TM9SF1: variants seen among roughly 807,000 people sequenced by gnomAD.
TM9SF1 encodes transmembrane 9 superfamily member 1, also known as MP70 protein family member.
TM9SF1 carries 25 observed loss-of-function variants against 52.4 expected under a neutral mutation model. The ratio of observed to expected loss-of-function variants is 0.48; its 90% confidence interval spans 0.35 to 0.67. The LOEUF is 0.67. Ranked by LOEUF, TM9SF1 falls within the 30% of genes least tolerant of loss-of-function variation. The pLI is 0.01. For missense variants in TM9SF1, 604 were observed against 780.3 expected (o/e 0.77, Z 2.69); for synonymous variants, 284 against 299.8 (o/e 0.95, Z 0.55).
Position 24,193,381 on chromosome 14 carries a change from T to C in TM9SF1, c.346-112A>G, listed in dbSNP as rs117923508. On this transcript the variant is annotated intron_variant, in intron 2 of 5. Transcript: ENST00000261789. ...TATTTTGGGGTGGATAATTCTTTTTTTTCGAGATGGAGTCTTGCTCTGTCA... is the reference window on the plus strand; with the variant it reads ...TATTTTGGGGTGGATAATTCTTTTTCTTCGAGATGGAGTCTTGCTCTGTCA... The C allele has an allele frequency of 2.0e-3, 2,496 of 1,247,566 alleles. 65 individuals are homozygous for C. The East Asian group carries it at 0.055, about 28-fold the overall frequency. 77.3% of individuals were successfully genotyped at this position (1,247,566 alleles called of 1,614,324 possible).
rs1457004470 is a variant in TM9SF1, at chr14:24,192,324, T to A, written c.1000A>T (p.Asn334Tyr). The change falls in exon 4 of 6, where the codon AAT (asparagine) becomes TAT (tyrosine). Residue 334 changes from asparagine to tyrosine, a missense_variant. Asn to Tyr is a moderately radical substitution (Grantham distance 143, BLOSUM62 -2). This residue lies in a region of TM9SF1 where 450 missense variants were observed against 560.1 expected (regional missense o/e 0.80). Transcript: ENST00000261789. The surrounding 1 kb of genome is among the most constrained non-coding windows in gnomAD (Gnocchi z 4.0). ...TTAATGGCCCCATGACGGTGCACAT[T>A]GAACATGCCCAGCAGTGCCATGACA... ...IIVMALLGMFNVHRHGAINSA... is the reference protein window; with the variant it reads ...IIVMALLGMFYVHRHGAINSA... The A allele has an allele frequency of 4.3e-6, 7 of 1,614,030 alleles. No homozygotes were observed. The South Asian group carries it at 6.6e-5, about 15-fold the overall frequency.
intron 5 of TM9SF1, chr14:24,190,115 A>AAACC: frequency 7.3e-7 from 1 of 1,365,166 alleles, no homozygotes; most frequent in East Asian, 2.6e-5. Context: ...AATGGGCTTT[A>AAACC]AACCCCACAT....
chr14:24,189,927 T>G, intron 5 of TM9SF1, 119 bp from the exon 6 acceptor site: 1 of 1,435,950 alleles, frequency 7.0e-7, no homozygotes, highest in Non-Finnish European at 9.1e-7. Flanking sequence ...AAAAGTGAGT[T>G]CACTCCACTC....
chr14:24,194,327 C>T (rs2039367089), intron 2 of TM9SF1, among the ~76,000 whole-genome samples: 1 of 152,154 alleles, frequency 6.6e-6, no homozygotes, highest in African/African-American at 2.4e-5. Context: ...CTACAGGAAA[C>T]AGCTAAGAAA....
chr14:24,189,863 G>GTGGC, intron 5 of TM9SF1, 55 bp from the exon 6 acceptor site: 1 of 1,520,004 alleles, frequency 6.6e-7, no homozygotes, highest in Non-Finnish European at 8.8e-7. Flanking sequence ...CATCAGCACA[G>GTGGC]TGGCTGGGCT....
Position 24,190,457 on chromosome 14 carries a change from G to A in TM9SF1, c.1350C>T (p.Ile450=), listed in dbSNP as rs558412065. 5.0e-6 allele frequency: 8 copies of A among 1,614,014 alleles called. No individual in the cohort carries two copies. The Middle Eastern group carries it at 6.6e-4, about 133-fold the overall frequency. ...PFDAPCRTKN[I]AREIPPQPWY... ...AGGGCTGGGGTGGAATCTCCCGGGCGATGTTCTTGGTGCGACAGGGTGCAT... is the reference window on the plus strand; with the variant it reads ...AGGGCTGGGGTGGAATCTCCCGGGCAATGTTCTTGGTGCGACAGGGTGCAT... The change falls in exon 5 of 6, where the codon ATC becomes ATT. Residue 450 remains isoleucine, a synonymous_variant. Transcript: ENST00000261789.
Position 24,192,946 on chromosome 14 carries a change from G to A in TM9SF1, c.669C>T (p.Asp223=), listed in dbSNP as rs143076942. The A allele has an allele frequency of 3.7e-5, 59 of 1,613,972 alleles. No homozygotes were observed. Among genetic ancestry groups the A allele is most frequent in the Non-Finnish European group, 3.2e-5 (38 of 1,179,982 alleles). Reference sequence around the variant, plus strand: ...GTGTTCGAGGAAAGAAACCACCATCGTCACCACGGCGCCTGTCACTCCGAC... The same window carrying A: ...GTGTTCGAGGAAAGAAACCACCATCATCACCACGGCGCCTGTCACTCCGAC... The part of the protein sequence containing the change: ...VERRSDRRRG[D]DGGFFPRTLE... Residue 223 remains aspartate, a synonymous_variant, in exon 3 of 6, where the codon GAC becomes GAT. Coordinates refer to ENST00000261789, the MANE Select transcript of TM9SF1 (RefSeq NM_006405.7). The surrounding 1 kb of genome is among the most constrained non-coding windows in gnomAD (Gnocchi z 4.0).
At position 24,193,284 on chromosome 14, in the gene TM9SF1, T is replaced by A. The variant is rs751123843; in HGVS notation, c.346-15A>T. ...AGCTGCTCCACCTATAAAGAGCAAG[T>A]CAGGAGTTGGTCACACAAGATCTCC... On this transcript the variant is annotated splice_polypyrimidine_tract_variant and intron_variant, in intron 2 of 5. Transcript: ENST00000261789. 6.4e-7 allele frequency: 1 copy of A among 1,574,076 alleles called. No homozygotes were observed.
Position 24,193,101 on chromosome 14 carries a change from C to G in TM9SF1, c.514G>C (p.Asp172His). 1.9e-6 allele frequency: 3 copies of G among 1,614,198 alleles called. No homozygotes were observed. The highest frequency in any genetic ancestry group is 2.5e-6 in the Non-Finnish European group (3 of 1,180,038). ...HLDFHLEFHG[D>H]RIIFANVSVR... is the part of the protein sequence containing the mutation. The stretch of plus-strand genomic sequence containing the variant: ...GAAACATTGGCAAATATAATTCGGT[C>G]TCCATGGAATTCTAGGTGGAAGTCC... The change falls in exon 3 of 6, where the codon GAC becomes CAC. Residue 172 changes from aspartate (D) to histidine (H), a missense_variant. Physicochemically the swap from Asp to His is moderately conservative, Grantham distance 81. This residue lies in a region of TM9SF1 where 450 missense variants were observed against 560.1 expected (regional missense o/e 0.80). Coordinates refer to ENST00000261789, the MANE Select transcript of TM9SF1 (RefSeq NM_006405.7).
intron 2 of TM9SF1, among the ~76,000 whole-genome samples, chr14:24,194,071 C>G (rs1280496106): frequency 6.6e-6 from 1 of 152,152 alleles, no homozygotes; most frequent in African/African-American, 2.4e-5. Context: ...ACCCCCCCAG[C>G]TGTAACAACA....
At position 24,192,830 on chromosome 14, in the gene TM9SF1, C is replaced by T. The variant is rs1353796344; in HGVS notation, c.785G>A (p.Arg262Gln). The change falls in exon 3 of 6, where the codon CGG (arginine) becomes CAG (glutamine). Residue 262 changes from arginine (R) to glutamine (Q), a missense_variant. Around this residue, in one of 3 missense-constraint regions of TM9SF1, gnomAD observed 450 missense variants for 560.1 expected, o/e 0.80. Coordinates refer to ENST00000261789, the MANE Select transcript of TM9SF1 (RefSeq NM_006405.7). The surrounding 1 kb of genome is among the most constrained non-coding windows in gnomAD (Gnocchi z 4.0). ...TAAGTTGTACCGAGCCAGGTCATTCCGAAGCACACGCATTAGAATGACAGC... is the reference window on the plus strand; with the variant it reads ...TAAGTTGTACCGAGCCAGGTCATTCTGAAGCACACGCATTAGAATGACAGC... Reference protein sequence around the residue: ...FVAVILMRVLRNDLARYNLDE... With the variant: ...FVAVILMRVLQNDLARYNLDE... 3.7e-6 allele frequency: 6 copies of T among 1,613,408 alleles called. No individual in the cohort carries two copies. Among genetic ancestry groups the T allele is most frequent in the Non-Finnish European group, 4.2e-6 (5 of 1,179,584 alleles).
chr14:24,194,976 A>G lies in TM9SF1; in HGVS notation c.44T>C (p.Leu15Ser). ...GNPRSWSCQW[L>S]PILILLLGTG... ...GCCCAGCAACAGTATCAGGATTGGC[A>G]ACCACTGGCAGCTCCAACTTCGAGG... Residue 15 changes from leucine to serine, a missense_variant, in exon 2 of 6, where the codon TTG becomes TCG. Physicochemically the swap from Leu to Ser is moderately radical, Grantham distance 145 (BLOSUM62 -2). Around this residue, in one of 3 missense-constraint regions of TM9SF1, gnomAD observed 47 missense variants for 39.7 expected, o/e 1.18. Coordinates refer to ENST00000261789, the MANE Select transcript of TM9SF1 (RefSeq NM_006405.7). 1 of 1,614,130 alleles carries G rather than the reference A, an allele frequency of 6.2e-7. No homozygotes were observed. Among genetic ancestry groups the G allele is most frequent in the Non-Finnish European group, 8.5e-7 (1 of 1,180,012 alleles).
rs1199417434 is a variant in TM9SF1, at chr14:24,192,430, C to T, written c.968-74G>A. Reference sequence around the variant, plus strand: ...TCTAGCAATTTCAGAGGAATCAGCCCCCCTTCTCCCAGACCCAGGGCCTCC... The same window carrying T: ...TCTAGCAATTTCAGAGGAATCAGCCTCCCTTCTCCCAGACCCAGGGCCTCC... On this transcript the variant is annotated intron_variant, in intron 3 of 5. Transcript: ENST00000261789. This position sits in a 1 kb window ranked among gnomAD's most constrained non-coding sequence, Gnocchi z 4.0. 18 of 1,522,236 alleles carry T rather than the reference C, an allele frequency of 1.2e-5. No homozygotes were observed. The highest frequency in any genetic ancestry group is 1.6e-5 in the Non-Finnish European group (18 of 1,118,944). The allele number at this position is 1,522,236 out of a possible 1,614,324, so 94.3% of individuals were successfully genotyped here.
At chr14:24,194,559 A>G in intron 2 of TM9SF1, 116 bp downstream of exon 2, 1 of 989,452 alleles carries the variant, frequency 1.0e-6, no homozygotes, top group Non-Finnish European at 1.5e-6. Flanking sequence ...ACTGGGTTGT[A>G]TTGTAGTTAG....
At position 24,190,660 on chromosome 14, in the gene TM9SF1, G is replaced by A. The variant is rs772977216; in HGVS notation, c.1154-7C>T. 3 of 1,604,098 alleles carry A rather than the reference G, an allele frequency of 1.9e-6. No individual in the cohort carries two copies. In the South Asian group the frequency reaches 3.3e-5, roughly 18 times the overall value. ...CACGTCAGGAAGAAAGGCACTGCAGGGATGGGCCCCCGGAGGGAGGGTCAA... is the reference window on the plus strand; with the variant it reads ...CACGTCAGGAAGAAAGGCACTGCAGAGATGGGCCCCCGGAGGGAGGGTCAA... On this transcript the variant is annotated splice_region_variant and splice_polypyrimidine_tract_variant and intron_variant, in intron 4 of 5. Transcript: ENST00000261789.
chr14:24,189,323 C>G lies in TM9SF1; in HGVS notation c.*92G>C, dbSNP rs2039280204. On this transcript the variant is annotated 3_prime_UTR_variant, in exon 6 of 6. Transcript: ENST00000261789. ...AAAAGGGAAGGCAACAATGCCATCA[C>G]ACAATTCAGTCAATCAGAAGAGAAG... 3.5e-6 allele frequency: 5 copies of G among 1,410,054 alleles called. No homozygotes were observed. Among genetic ancestry groups the G allele is most frequent in the Non-Finnish European group, 4.8e-6 (5 of 1,045,416 alleles). The allele number at this position is 1,410,054 out of a possible 1,614,324, so 87.3% of individuals were successfully genotyped here.
rs991896892 is a variant in TM9SF1 at position 24,192,904 on chromosome 14, C to T, written c.711G>A (p.Leu237=). The T allele has an allele frequency of 6.2e-7, 1 of 1,614,140 alleles. No homozygotes were observed. The highest frequency in any genetic ancestry group is 1.7e-5 in the Admixed American group (1 of 60,014). ...FFPRTLEIHW[L]SIINSMVLVF... ...CAAGCACCATGGAGTTGATGATGGA[C>T]AACCAATGGATTTCCAGTGTTCGAG... Residue 237 remains leucine (L), a synonymous_variant, in exon 3 of 6, where the codon TTG becomes TTA. Transcript: ENST00000261789. The surrounding 1 kb of genome is among the most constrained non-coding windows in gnomAD (Gnocchi z 4.0).
Position 24,193,125 on chromosome 14 carries a change from C to G in TM9SF1, c.490G>C (p.Asp164His). The G allele has an allele frequency of 6.2e-7, 1 of 1,614,178 alleles. No homozygotes were observed. The highest frequency in any genetic ancestry group is 8.5e-7 in the Non-Finnish European group (1 of 1,180,036). ...SHKIGLWTHL[D>H]FHLEFHGDRI... is the part of the protein sequence containing the mutation. The stretch of plus-strand genomic sequence containing the variant: ...TCTCCATGGAATTCTAGGTGGAAGT[C>G]CAAATGGGTCCAGAGTCCTATCTTG... The change falls in exon 3 of 6, where the codon GAC (aspartate) becomes CAC (histidine). Residue 164 changes from aspartate to histidine, a missense_variant. This residue lies in a region of TM9SF1 where 450 missense variants were observed against 560.1 expected (regional missense o/e 0.80). Transcript: ENST00000261789.
At chr14:24,191,992 T>C in intron 4 of TM9SF1, 179 bp downstream of exon 4, 1 of 630,226 alleles carries the variant, frequency 1.6e-6, no homozygotes, top group Non-Finnish European at 2.8e-6. Flanking sequence ...AATTTTTTGT[T>C]ATAGAGAGAG....
Sources: allele counts gnomAD v4.1 joint callset (sites outside exome capture counted in the v4.1 genomes callset), GRCh38; gene constraint gnomAD v4.1.1; regional missense constraint gnomAD v4.1.1; non-coding constraint Gnocchi (gnomAD v3.1); transcripts MANE v1.5; gene names NCBI Gene and HGNC (gene_info 2026-07-23, HGNC 2026-07-21).